GBF1: variants seen among roughly 807,000 people sequenced by gnomAD.
The protein encoded by GBF1 is Golgi-specific brefeldin A-resistance guanine nucleotide exchange factor 1.
GBF1 carries 114 observed loss-of-function variants against 210.5 expected under a neutral mutation model. The ratio of observed to expected loss-of-function variants is 0.54; its 90% CI spans 0.47 to 0.63. The LOEUF (loss-of-function observed/expected upper bound fraction) is 0.63. GBF1 is among the 30% of genes least tolerant of loss of function. The pLI is 0.00. For missense variants in GBF1, 1,851 were observed against 2,357.7 expected, an observed-to-expected ratio of 0.79 and a Z score of 4.45; for synonymous variants, 850 against 889.2, an observed-to-expected ratio of 0.96 and a Z score of 0.78.
rs2059907922 is a variant in GBF1 at position 102,366,281 on chromosome 10, T to G, written c.2310-102T>G. 3.2e-6 allele frequency: 4 copies of G among 1,265,116 alleles called. No individual in the cohort carries two copies. Among genetic ancestry groups the G allele is most frequent in the Non-Finnish European group, 4.5e-6 (4 of 880,672 alleles). The allele number at this position is 1,265,116 out of a possible 1,614,324, so 78.4% of individuals were successfully genotyped here. A position where few individuals can be genotyped will look rare whatever the true frequency, so the allele number is the denominator to read the frequency against. Reference sequence around the variant, plus strand: ...TGCCCCTTTACTAGAGACCTCAGCCTCCTCTCTTCCAGTAAGAGTAGGTTA... The same window carrying G: ...TGCCCCTTTACTAGAGACCTCAGCCGCCTCTCTTCCAGTAAGAGTAGGTTA... On this transcript the variant is annotated intron_variant, in intron 18 of 39. Coordinates refer to ENST00000369983, the MANE Select transcript of GBF1 (RefSeq NM_001377137.1). The surrounding 1 kb of genome is among the most constrained non-coding windows in gnomAD (Gnocchi z 4.0).
chr10:102,325,194 C>G (rs2056785807), intron 3 of GBF1, among the ~76,000 whole-genome samples: 1 of 152,132 alleles, frequency 6.6e-6, no homozygotes, highest in Non-Finnish European at 1.5e-5. Flanking sequence ...GGAGTTATTT[C>G]ACATGATATG....
chr10:102,328,638 A>T (rs906102071), intron 3 of GBF1, among the ~76,000 whole-genome samples: 1 of 152,180 alleles, frequency 6.6e-6, no homozygotes. Flanking sequence ...GGTCCTATAC[A>T]CTGAAGGGAT....
chr10:102,250,944 C>T (rs1020673665), intron 1 of GBF1, among the ~76,000 whole-genome samples: 1 of 150,864 alleles, frequency 6.6e-6, no homozygotes, highest in African/African-American at 2.4e-5. Flanking sequence ...ACGACAAGAG[C>T]GAAACTCTGT....
chr10:102,231,887 G>GCTGCCCAGCCGGGGTCCCACCCGCA, the GBF1 span: 1 of 1,562,650 alleles, frequency 6.4e-7, no homozygotes, highest in Non-Finnish European at 8.7e-7. Context: ...TCCCACCGGG[G>GCTGCCCAGCCGGGGTCCCACCCGCA]CTGCCCAGCC....
Position 102,368,830 on chromosome 10 carries a change from G to A in GBF1, c.2971G>A (p.Glu991Lys). 1 of 1,597,022 alleles carries A rather than the reference G, an allele frequency of 6.3e-7. No individual in the cohort carries two copies. Among genetic ancestry groups the A allele is most frequent in the East Asian group, 2.2e-5 (1 of 44,806 alleles). ...SLCKFTALSSESIENLPSVFG... is the reference protein window; with the variant it reads ...SLCKFTALSSKSIENLPSVFG... ...ATGCAAATTCACAGCTCTCAGCAGTGAGGTGAGCAGGTGCAGGAACTGTGT... is the reference window on the plus strand; with the variant it reads ...ATGCAAATTCACAGCTCTCAGCAGTAAGGTGAGCAGGTGCAGGAACTGTGT... The change falls in exon 23 of 40, where the codon GAG becomes AAG. Residue 991 changes from glutamate (E) to lysine (K), a missense_variant and splice_region_variant. Transcript: ENST00000369983.
chr10:102,319,268 C>T (rs1251131606), intron 3 of GBF1, among the ~76,000 whole-genome samples: 1 of 152,012 alleles, frequency 6.6e-6, no homozygotes, highest in Non-Finnish European at 1.5e-5. Flanking sequence ...TGCAGTGAGC[C>T]GAGATCGCGC....
chr10:102,356,517 G>A (rs1306419738), intron 8 of GBF1, among the ~76,000 whole-genome samples: 2 of 152,178 alleles, frequency 1.3e-5, no homozygotes, highest in African/African-American at 4.8e-5. Flanking sequence ...TGTAATCCCA[G>A]TACTTTGGGA....
At chr10:102,332,872 A>C (rs2134350205) in intron 3 of GBF1, among the ~76,000 whole-genome samples, 1 of 152,322 alleles carries the variant, frequency 6.6e-6, no homozygotes, top group East Asian at 1.9e-4. Context: ...GAAGCTAAGA[A>C]TGTGTTTGAT....
chr10:102,349,032 C>G (rs1420987778), intron 4 of GBF1, among the ~76,000 whole-genome samples: 1 of 152,018 alleles, frequency 6.6e-6, no homozygotes, highest in Non-Finnish European at 1.5e-5. Flanking sequence ...ATCTGTAGTC[C>G]TAGCTACTAA....
In GBF1 at chr10:102,366,584, CTT is replaced by C. The variant is rs397968996; in HGVS notation, c.2433+97_2433+98del. 0.099 allele frequency: 61,506 copies of C among 622,386 alleles called. 1 individual carries two copies. Among genetic ancestry groups the C allele is most frequent in the Middle Eastern group, 0.13 (248 of 1,884 alleles). The allele number at this position is 622,386 out of a possible 1,614,324, so 38.6% of individuals were successfully genotyped here. A position where few individuals can be genotyped will look rare whatever the true frequency, so the allele number is the denominator to read the frequency against. On this transcript the variant is annotated intron_variant, in intron 19 of 39. Coordinates refer to ENST00000369983, the MANE Select transcript of GBF1 (RefSeq NM_001377137.1). This position sits in a 1 kb window ranked among gnomAD's most constrained non-coding sequence, Gnocchi z 4.0. The stretch of plus-strand genomic sequence containing the variant: ...GGGCTGAAGAATCCAGCTGCTGTCT[CTT>C]TTTTTTTTTTTTTTTTTTGAGACAG...
At chr10:102,375,051 G>A (rs759533924) in intron 29 of GBF1, among the ~76,000 whole-genome samples, 11 of 151,928 alleles carry the variant, frequency 7.2e-5, no homozygotes, top group African/African-American at 1.5e-4. Flanking sequence ...ACATGCACCT[G>A]TAGTCCCAGC....
intron 3 of GBF1, among the ~76,000 whole-genome samples, chr10:102,262,331 A>G (rs926985728): frequency 6.6e-6 from 1 of 152,086 alleles, no homozygotes; most frequent in Non-Finnish European, 1.5e-5. Context: ...AATGTTGGCT[A>G]CTTGCACAGA....
intron 3 of GBF1, among the ~76,000 whole-genome samples, chr10:102,287,466 G>A (rs1299333027): frequency 6.8e-6 from 1 of 147,946 alleles, no homozygotes; most frequent in Non-Finnish European, 1.5e-5. Flanking sequence ...GGGATTACAG[G>A]CATGAGCCAC....
intron 3 of GBF1, among the ~76,000 whole-genome samples, chr10:102,319,125 G>A (rs1223446104): frequency 6.6e-6 from 1 of 152,200 alleles, no homozygotes; most frequent in Non-Finnish European, 1.5e-5. Flanking sequence ...TGACTATCCT[G>A]GCTAACATGG....
chr10:102,261,235 TTGTGTG>T (rs34325175), intron 3 of GBF1, among the ~76,000 whole-genome samples: 73 of 150,212 alleles, frequency 4.9e-4, no homozygotes, highest in African/African-American at 7.3e-4. Context: ...TACCTTATAT[TTGTGTG>T]TGTGTGTGTG....
At chr10:102,295,904 T>C (rs924334977) in intron 3 of GBF1, among the ~76,000 whole-genome samples, 5 of 152,204 alleles carry the variant, frequency 3.3e-5, no homozygotes, top group South Asian at 2.1e-4. Flanking sequence ...TACATATTTA[T>C]TTGTTTGGCA....
chr10:102,248,311 T>C (rs974665888), intron 1 of GBF1, among the ~76,000 whole-genome samples: 2 of 152,158 alleles, frequency 1.3e-5, no homozygotes, highest in Non-Finnish European at 2.9e-5. Flanking sequence ...TATGTTCAAC[T>C]GCAGTTGTTT....
At chr10:102,257,165 T>A (rs1365533160) in intron 1 of GBF1, among the ~76,000 whole-genome samples, 1 of 152,236 alleles carries the variant, frequency 6.6e-6, no homozygotes, top group Non-Finnish European at 1.5e-5. Flanking sequence ...CACAGACCTT[T>A]TATTTTATAT....
At chr10:102,263,842 GAGCAAAGTTTGCATACTGTTAC>G (rs1375840789) in intron 3 of GBF1, among the ~76,000 whole-genome samples, 1 of 152,166 alleles carries the variant, frequency 6.6e-6, no homozygotes, top group Non-Finnish European at 1.5e-5. Context: ...GGGTGTCCAA[GAGCAAAGTTTGCATACTGTTAC>G]TTTGGATAAA....
Sources: allele counts gnomAD v4.1 joint callset (sites outside exome capture counted in the v4.1 genomes callset), GRCh38; gene constraint gnomAD v4.1.1; non-coding constraint Gnocchi (gnomAD v3.1); transcripts MANE v1.5; gene names NCBI Gene and HGNC (gene_info 2026-07-23, HGNC 2026-07-21).